The following CCDC138 variants were observed in gnomAD, a reference collection of about 807,000 sequenced individuals.
CCDC138 encodes the protein coiled-coil domain containing 138, also known as coiled-coil domain-containing protein 138.
Under a neutral mutation model 82.3 loss-of-function variants are expected in CCDC138, and 66 were observed. The observed-to-expected ratio is 0.80, with a 90% confidence interval of 0.66 to 0.98. The LOEUF is 0.98. Ranked by LOEUF, CCDC138 falls within the 50% of genes least tolerant of loss-of-function variation. The probability of loss-of-function intolerance (pLI) is 0.00; values close to 1 mark genes in which losing one functional copy is unlikely to be tolerated. For missense variants in CCDC138, 816 were observed against 758.9 expected (o/e 1.08, Z -0.88); for synonymous variants, 297 against 265.4 (o/e 1.12, Z -1.16).
chr2:108,880,236 C>T (rs1201675882), downstream of CCDC138, among the ~76,000 whole-genome samples: 4 of 128,416 alleles, frequency 3.1e-5, no homozygotes, highest in Admixed American at 7.3e-5. Flanking sequence ...AAAAAAAAAA[C>T]GAGAGAAGGC....
At chr2:108,864,781 G>C (rs187323604) in intron 13 of CCDC138, among the ~76,000 whole-genome samples, 4 of 134,598 alleles carry the variant, frequency 3.0e-5, no homozygotes, top group African/African-American at 1.1e-4. Flanking sequence ...GCGACAGAGC[G>C]AGACTCCATC....
intron 13 of CCDC138, among the ~76,000 whole-genome samples, chr2:108,868,263 T>C (rs1458991092): frequency 6.6e-6 from 1 of 152,246 alleles, no homozygotes; most frequent in Non-Finnish European, 1.5e-5. Context: ...TAGTATAGTA[T>C]TGGTGCAGGG....
At chr2:108,795,165 T>TTTC (rs1412688836) in intron 5 of CCDC138, among the ~76,000 whole-genome samples, 1 of 144,548 alleles carries the variant, frequency 6.9e-6, no homozygotes, top group East Asian at 2.0e-4. Context: ...TTTTTTTTTT[T>TTTC]TTTTTTTGCG....
chr2:108,826,939 G>C (rs1686713299), intron 10 of CCDC138, among the ~76,000 whole-genome samples: 1 of 151,784 alleles, frequency 6.6e-6, no homozygotes, highest in Non-Finnish European at 1.5e-5. Flanking sequence ...TCGTTTTCAG[G>C]GTATAAGTTT....
chr2:108,819,934 A>T (rs1488468224), intron 10 of CCDC138, among the ~76,000 whole-genome samples: 1 of 152,256 alleles, frequency 6.6e-6, no homozygotes, highest in Non-Finnish European at 1.5e-5. Flanking sequence ...AACACAAAAA[A>T]CTAAGCAAAG....
chr2:108,877,461 G>A (rs1035752144), downstream of CCDC138, among the ~76,000 whole-genome samples: 3 of 151,982 alleles, frequency 2.0e-5, no homozygotes, highest in Non-Finnish European at 4.4e-5. Context: ...GTGAGATTCT[G>A]TCTCAAAAAA....
In CCDC138 at chr2:108,799,517, C is replaced by T. The variant is rs1233412746; in HGVS notation, c.735+931C>T. 2.0e-5 allele frequency among the ~76,000 whole-genome samples: 3 copies of T among 152,308 alleles called. No homozygotes were observed. In the East Asian group the frequency reaches 5.8e-4, roughly 29 times the overall value. ...CTATTTTCTGTCCCAGTACATCTGC[C>T]TTTTCCAGAATGTCATGTTAATAGC... On this transcript the variant is annotated intron_variant, in intron 6 of 14. Transcript: ENST00000295124.
At chr2:108,812,330 A>G (rs1433500450) in intron 7 of CCDC138, among the ~76,000 whole-genome samples, 1 of 152,206 alleles carries the variant, frequency 6.6e-6, no homozygotes, top group Non-Finnish European at 1.5e-5. Flanking sequence ...TATATGTGTT[A>G]TAGTTCAGAT....
At chr2:108,857,167 C>G (rs1297972580) in intron 13 of CCDC138, among the ~76,000 whole-genome samples, 197 bp downstream of exon 13, 10 of 141,896 alleles carry the variant, frequency 7.0e-5, no homozygotes, top group Non-Finnish European at 1.3e-4. Context: ...CAACCTCTGA[C>G]TCCCTGGTTC....
chr2:108,807,156 T>C (rs1683011342), intron 7 of CCDC138, among the ~76,000 whole-genome samples: 1 of 152,206 alleles, frequency 6.6e-6, no homozygotes, highest in Non-Finnish European at 1.5e-5. Context: ...ATAAGCATAC[T>C]TGCGAGTGAT....
intron 7 of CCDC138, among the ~76,000 whole-genome samples, chr2:108,806,915 T>A (rs926750058): frequency 6.6e-6 from 1 of 152,134 alleles, no homozygotes; most frequent in Non-Finnish European, 1.5e-5. Flanking sequence ...AGGATCTCAG[T>A]TGAAAGGAGC....
At chr2:108,870,015 T>C (rs1574314172) in intron 13 of CCDC138, among the ~76,000 whole-genome samples, 1 of 152,200 alleles carries the variant, frequency 6.6e-6, no homozygotes, top group East Asian at 1.9e-4. Context: ...CTATCTTAAA[T>C]ATGCTCAATG....
chr2:108,856,775 G>T lies in CCDC138; in HGVS notation c.1517-19G>T. 6.2e-7 allele frequency: 1 copy of T among 1,608,102 alleles called. No homozygotes were observed. The highest frequency in any genetic ancestry group is 8.5e-7 in the Non-Finnish European group (1 of 1,177,860). The stretch of plus-strand genomic sequence containing the variant: ...TAGACTAGCAAAACTGCAGTTGATT[G>T]TACATAACTATTTTCCAGCTGATTA... On this transcript the variant is annotated intron_variant, in intron 12 of 14. Transcript: ENST00000295124.
chr2:108,835,160 CATT>C (rs1156824981), intron 10 of CCDC138, among the ~76,000 whole-genome samples: 2 of 152,174 alleles, frequency 1.3e-5, no homozygotes. Context: ...TGCAGCTTAA[CATT>C]ATGATTCAAA....
Position 108,809,994 on chromosome 2 carries a change from C to T in CCDC138, c.856-2637C>T, listed in dbSNP as rs183956520. Among the ~76,000 whole-genome samples the T allele has an allele frequency of 1.6e-4, 24 of 152,120 alleles. No individual in the cohort carries two copies. The East Asian group carries it at 2.5e-3, about 16-fold the overall frequency. ...CCAATTTTTGTACTTTTAGTAGAGA[C>T]GGGGTTTTGCTGTATTGGCCAGGGT... On this transcript the variant is annotated intron_variant, in intron 7 of 14. Coordinates refer to ENST00000295124, the MANE Select transcript of CCDC138 (RefSeq NM_144978.3).
chr2:108,867,619 G>T (rs1358514712), intron 13 of CCDC138, among the ~76,000 whole-genome samples: 1 of 152,008 alleles, frequency 6.6e-6, no homozygotes, highest in East Asian at 1.9e-4. Flanking sequence ...TTCCAAAAAG[G>T]AATGAGGGTG....
chr2:108,835,710 T>A (rs1447966609), intron 10 of CCDC138, among the ~76,000 whole-genome samples: 2 of 152,230 alleles, frequency 1.3e-5, no homozygotes, highest in Non-Finnish European at 2.9e-5. Context: ...ATTAGTATAT[T>A]CACATTGTCC....
chr2:108,830,268 G>C (rs13406741), intron 10 of CCDC138, among the ~76,000 whole-genome samples: 56 of 152,322 alleles, frequency 3.7e-4, no homozygotes, highest in African/African-American at 1.3e-3. Context: ...AGAGAATGGA[G>C]AGTTATTATT....
chr2:108,863,175 A>G (rs1693892832), intron 13 of CCDC138, among the ~76,000 whole-genome samples: 2 of 152,104 alleles, frequency 1.3e-5, no homozygotes, highest in Non-Finnish European at 2.9e-5. Flanking sequence ...GCTGTTTTAA[A>G]TTTATTCAAT....
Sources: allele counts gnomAD v4.1 joint callset (sites outside exome capture counted in the v4.1 genomes callset), GRCh38; gene constraint gnomAD v4.1.1; transcripts MANE v1.5; gene names NCBI Gene and HGNC (gene_info 2026-07-23, HGNC 2026-07-21).